NOS1: variants seen among roughly 807,000 people sequenced by gnomAD.
NOS1 encodes nitric oxide synthase 1, also known as NOS type I.
A neutral mutation model predicts 164.5 loss-of-function variants in NOS1; 51 were observed. That is an observed-to-expected ratio of 0.31 (90% confidence interval 0.25 to 0.39). The LOEUF is 0.39. Ranked by LOEUF, NOS1 falls within the 10% of genes least tolerant of loss-of-function variation. The probability of loss-of-function intolerance (pLI) is 1.00; values close to 1 mark genes in which losing one functional copy is unlikely to be tolerated. For missense variants in NOS1, 1,362 were observed against 1,885.6 expected (o/e 0.72, Z 5.14); for synonymous variants, 719 against 745.8 (o/e 0.96, Z 0.59).
rs1443899608 is a variant in NOS1, at chr12:117,209,210, AAG to A, written c.*6097_*6098del. 3 of 985,300 alleles carry A rather than the reference AAG, an allele frequency of 3.0e-6. No individual in the cohort carries two copies. Among genetic ancestry groups the A allele is most frequent in the Non-Finnish European group, 2.4e-6 (2 of 829,936 alleles). The allele number at this position is 985,300 out of a possible 1,614,324, so 61.0% of individuals were successfully genotyped here. A position where few individuals can be genotyped will look rare whatever the true frequency, so the allele number is the denominator to read the frequency against. On this transcript the variant is annotated 3_prime_UTR_variant, in exon 29 of 29. Transcript: ENST00000317775. ...AGAGATTCTCTTGACCCTGAAGTCC[AAG>A]AGAGGGGTGTTGCCCCCTGGGGACA...
At chr12:117,291,783 G>T (rs1261232688) in intron 3 of NOS1, among the ~76,000 whole-genome samples, 1 of 152,056 alleles carries the variant, frequency 6.6e-6, no homozygotes, top group Admixed American at 6.6e-5. Flanking sequence ...TAATCCTCCT[G>T]CCTCAGCCTC....
intron 3 of NOS1, chr12:117,301,893 T>C (rs895866979): frequency 4.7e-6 from 2 of 427,502 alleles, no homozygotes; most frequent in African/African-American, 4.1e-5. Context: ...CAATATATTA[T>C]TTAGCCAAAT....
rs1237938808 is a variant in NOS1 at position 117,356,096 on chromosome 12, G to C, written c.-421+5416C>G. On this transcript the variant is annotated intron_variant, in intron 1 of 28. Coordinates refer to ENST00000317775, the MANE Select transcript of NOS1 (RefSeq NM_000620.5). The surrounding 1 kb of genome is among the most constrained non-coding windows in gnomAD (Gnocchi z 4.2). ...TTTCTTTGTTATGATCACTGAGATG[G>C]GCTGGATGCTGTTTCCTTTCCAGAG... Among the ~76,000 whole-genome samples the C allele has an allele frequency of 6.6e-6, 1 of 152,134 alleles. No individual in the cohort carries two copies. Among genetic ancestry groups the C allele is most frequent in the Non-Finnish European group, 1.5e-5 (1 of 68,028 alleles).
chr12:117,327,465 C>G (rs1191495261), intron 2 of NOS1, among the ~76,000 whole-genome samples: 2 of 152,222 alleles, frequency 1.3e-5, no homozygotes, highest in East Asian at 3.9e-4. Context: ...GATGCCACCT[C>G]CACTGGATGT....
At chr12:117,295,600 T>A (rs1329644175) in intron 3 of NOS1, among the ~76,000 whole-genome samples, 1 of 149,106 alleles carries the variant, frequency 6.7e-6, no homozygotes, top group Admixed American at 6.8e-5. Flanking sequence ...ATGTTAGAGA[T>A]CTTTCCTGAT....
intron 9 of NOS1, among the ~76,000 whole-genome samples, chr12:117,274,769 C>A (rs868229355): frequency 1.0e-2 from 767 of 76,914 alleles, no homozygotes; most frequent in South Asian, 0.012. Context: ...CTCCGTCTCA[C>A]AAAAAAAAAA....
chr12:117,277,371 G>T (rs897974125), intron 9 of NOS1, among the ~76,000 whole-genome samples: 1 of 152,006 alleles, frequency 6.6e-6, no homozygotes, highest in Non-Finnish European at 1.5e-5. Flanking sequence ...GATCACTTGA[G>T]CCCAGGAGTC....
At chr12:117,219,630 T>C (rs1956669046) in intron 27 of NOS1, among the ~76,000 whole-genome samples, 2 of 152,162 alleles carry the variant, frequency 1.3e-5, no homozygotes, top group Non-Finnish European at 2.9e-5. Flanking sequence ...AACTCTCTTC[T>C]GCAAAATCCT....
chr12:117,240,152 C>T (rs1195450615), intron 20 of NOS1, among the ~76,000 whole-genome samples: 1 of 152,170 alleles, frequency 6.6e-6, no homozygotes, highest in Non-Finnish European at 1.5e-5. Flanking sequence ...CTTAAATCAT[C>T]CCTTCCCATA....
At chr12:117,282,531 C>T (rs1466987703) in intron 7 of NOS1, among the ~76,000 whole-genome samples, 1 of 152,228 alleles carries the variant, frequency 6.6e-6, no homozygotes, top group African/African-American at 2.4e-5. Flanking sequence ...CCTGTCTCAT[C>T]TAGTTTCATA....
Position 117,345,813 on chromosome 12 carries a change from T to C in NOS1, c.-420-14324A>G, listed in dbSNP as rs1876323498. Among the ~76,000 whole-genome samples the C allele has an allele frequency of 2.0e-5, 3 of 152,090 alleles. No homozygotes were observed. In the South Asian group the frequency reaches 6.2e-4, roughly 32 times the overall value. On this transcript the variant is annotated intron_variant, in intron 1 of 28. Coordinates refer to ENST00000317775, the MANE Select transcript of NOS1 (RefSeq NM_000620.5). Reference sequence around the variant, plus strand: ...GGTCGAGGCTGCAGTGAGCCATTATTGTGCCACTGGACTCTAGCCTGGGTG... The same window carrying C: ...GGTCGAGGCTGCAGTGAGCCATTATCGTGCCACTGGACTCTAGCCTGGGTG...
chr12:117,330,496 T>C lies in NOS1; in HGVS notation c.574A>G (p.Thr192Ala). ...CCTCTGCCTTGGAGGCTGACTCTGG[T>C]TGCTTTCTTCGCGGGGTCCTGGCCT... The part of the protein sequence containing the change: ...PPGQDPAKKA[T>A]RVSLQGRGEN... The change falls in exon 2 of 29, where the codon ACC becomes GCC. Residue 192 changes from threonine (T) to alanine (A), a missense_variant. Around this residue, in one of 4 missense-constraint regions of NOS1, gnomAD observed 362 missense variants for 402.0 expected, o/e 0.90. Coordinates refer to ENST00000317775, the MANE Select transcript of NOS1 (RefSeq NM_000620.5). This position sits in a 1 kb window ranked among gnomAD's most constrained non-coding sequence, Gnocchi z 4.6. 1 of 1,614,128 alleles carries C rather than the reference T, an allele frequency of 6.2e-7. No homozygotes were observed. Among genetic ancestry groups the C allele is most frequent in the East Asian group, 2.2e-5 (1 of 44,858 alleles).
chr12:117,326,128 G>A (rs937804195), intron 2 of NOS1, among the ~76,000 whole-genome samples: 1 of 150,850 alleles, frequency 6.6e-6, no homozygotes, highest in East Asian at 2.0e-4. Flanking sequence ...GCTCACTCCT[G>A]TAATCCCAGC....
chr12:117,334,155 C>T (rs1416165879), intron 1 of NOS1, among the ~76,000 whole-genome samples: 1 of 152,206 alleles, frequency 6.6e-6, no homozygotes, highest in African/African-American at 2.4e-5. Context: ...AGCCCCTGGC[C>T]ACTCTCAGCA....
intron 1 of NOS1, among the ~76,000 whole-genome samples, chr12:117,346,379 G>A (rs538061760): frequency 6.6e-6 from 1 of 152,300 alleles, no homozygotes; most frequent in East Asian, 1.9e-4. Flanking sequence ...GCTGAGGCAG[G>A]AGAATGGCTT....
rs1353170387 is a variant in NOS1, at chr12:117,348,176, C to CAG, written c.-421+13334_-421+13335dup. Reference sequence around the variant, plus strand: ...CCCCACCTGAGTCAGCTTTACTGAACAGAGCTCTGCAAATAACCCCTGAAA... The same window carrying CAG: ...CCCCACCTGAGTCAGCTTTACTGAACAGAGAGCTCTGCAAATAACCCCTGAAA... On this transcript the variant is annotated intron_variant, in intron 1 of 28. Transcript: ENST00000317775. The CAG allele has an allele frequency of 2.6e-5, 4 of 152,168 alleles. No individual in the cohort carries two copies. The East Asian group carries it at 5.8e-4, about 22-fold the overall frequency. The allele number at this position is 152,168 out of a possible 1,614,324, so 9.4% of individuals were successfully genotyped here.
intron 25 of NOS1, among the ~76,000 whole-genome samples, chr12:117,224,603 G>A (rs1378165607): frequency 1.3e-5 from 2 of 152,166 alleles, no homozygotes; most frequent in South Asian, 2.1e-4. Context: ...CTTGTTTAAC[G>A]CATGCCACAA....
intron 3 of NOS1, among the ~76,000 whole-genome samples, chr12:117,302,917 T>C (rs1873922287): frequency 6.6e-6 from 1 of 152,014 alleles, no homozygotes; most frequent in Admixed American, 6.5e-5. Flanking sequence ...AGCTAATTTT[T>C]GTATTTTTAG....
intron 1 of NOS1, among the ~76,000 whole-genome samples, chr12:117,347,057 A>G (rs774140793): frequency 1.1e-3 from 163 of 152,186 alleles, no homozygotes; most frequent in Non-Finnish European, 1.9e-3. Context: ...GAGGCCAAGG[A>G]AGGTGGATCA....
Sources: allele counts gnomAD v4.1 joint callset (sites outside exome capture counted in the v4.1 genomes callset), GRCh38; gene constraint gnomAD v4.1.1; regional missense constraint gnomAD v4.1.1; non-coding constraint Gnocchi (gnomAD v3.1); transcripts MANE v1.5; gene names NCBI Gene and HGNC (gene_info 2026-07-23, HGNC 2026-07-21).